Variants in ZDHHC6 observed in about 807,000 individuals in gnomAD.
The protein encoded by ZDHHC6 is zDHHC palmitoyltransferase 6.
ZDHHC6 carries 32 observed loss-of-function variants against 57.8 expected under a neutral mutation model. That is an observed-to-expected ratio of 0.55 (90% CI 0.42 to 0.74). The LOEUF (loss-of-function observed/expected upper bound fraction) is 0.74, where lower values mean the gene tolerates loss of function less well. Ranked by LOEUF, ZDHHC6 falls within the 30% of genes least tolerant of loss-of-function variation. ZDHHC6 has a pLI of 0.00. For synonymous variants in ZDHHC6, 128 were observed against 158.0 expected (o/e 0.81, Z 1.42); for missense variants, 433 against 500.7 (o/e 0.86, Z 1.29).
downstream of ZDHHC6, chr10:112,425,543 C>T (rs1039752369): frequency 4.6e-6 from 6 of 1,310,146 alleles, no homozygotes; most frequent in African/African-American, 1.6e-5. Context: ...CTTGTAGCTA[C>T]AGGAAATTTG....
intron 6 of ZDHHC6, among the ~76,000 whole-genome samples, chr10:112,437,234 G>A (rs1589734186): frequency 6.6e-6 from 1 of 151,882 alleles, no homozygotes; most frequent in Non-Finnish European, 1.5e-5. Flanking sequence ...ATTGATATAC[G>A]TGAATGCAAT....
downstream of ZDHHC6, chr10:112,425,357 T>A: frequency 6.2e-7 from 1 of 1,612,764 alleles, no homozygotes; most frequent in African/African-American, 1.3e-5. Context: ...CTGAAGATCA[T>A]CGACCGTAAA....
downstream of ZDHHC6, among the ~76,000 whole-genome samples, chr10:112,429,817 A>G (rs1844874821): frequency 1.3e-5 from 2 of 152,194 alleles, no homozygotes; most frequent in Admixed American, 1.3e-4. Flanking sequence ...CTGGCAGCCC[A>G]AAGTCCAGAG....
chr10:112,425,585 CT>C, downstream of ZDHHC6: 1 of 750,438 alleles, frequency 1.3e-6, no homozygotes, highest in Non-Finnish European at 1.8e-6. Context: ...AAGATCCAAG[CT>C]TATAAAACTA....
At chr10:112,437,286 A>G (rs188448448) in intron 6 of ZDHHC6, among the ~76,000 whole-genome samples, 212 of 152,348 alleles carry the variant, frequency 1.4e-3, no homozygotes, top group African/African-American at 4.2e-3. Flanking sequence ...CGTTTGCAAA[A>G]TCTACATAAC....
chr10:112,447,283 C>G, upstream of ZDHHC6: 1 of 1,416,732 alleles, frequency 7.1e-7, no homozygotes, highest in East Asian at 2.5e-5. Flanking sequence ...GGGCACCTTC[C>G]GGGGTTCCTA....
chr10:112,424,922 G>A (rs1844611269), exon 12 of ZDHHC6: 2 of 153,390 alleles, frequency 1.3e-5, no homozygotes, highest in African/African-American at 4.8e-5. Context: ...AAACATAACA[G>A]GGAGTCAAGT....
chr10:112,439,580 A>C (rs564103489), intron 5 of ZDHHC6, among the ~76,000 whole-genome samples: 2 of 127,370 alleles, frequency 1.6e-5, no homozygotes, highest in South Asian at 5.4e-4. Flanking sequence ...CAGTGAGCTG[A>C]GTTCACGCCA....
downstream of ZDHHC6, chr10:112,427,293 C>G (rs768238173): frequency 1.2e-6 from 2 of 1,613,734 alleles, no homozygotes; most frequent in Non-Finnish European, 1.7e-6. Flanking sequence ...GAAAGCAAAG[C>G]GAGGAGAGCT....
downstream of ZDHHC6, among the ~76,000 whole-genome samples, chr10:112,429,118 G>T (rs931463105): frequency 3.3e-5 from 5 of 152,100 alleles, no homozygotes; most frequent in African/African-American, 7.2e-5. Flanking sequence ...GTTCTTGGAT[G>T]GTCTTTCTAG....
intron 4 of ZDHHC6, among the ~76,000 whole-genome samples, chr10:112,441,225 G>C (rs1361290501): frequency 1.3e-5 from 2 of 151,920 alleles, no homozygotes; most frequent in Non-Finnish European, 2.9e-5. Context: ...GTTACTTTTT[G>C]TTGTTGTTGT....
Position 112,434,483 on chromosome 10 carries a change from T to C in ZDHHC6, c.736-19A>G, listed in dbSNP as rs1028714731. The C allele has an allele frequency of 6.2e-7, 1 of 1,602,404 alleles. No homozygotes were observed. The highest frequency in any genetic ancestry group is 8.5e-7 in the Non-Finnish European group (1 of 1,173,876). On this transcript the variant is annotated intron_variant, in intron 6 of 10. Transcript: ENST00000369405. ...CTTTAGCCTGTGGGTAACAAAGATA[T>C]AAGATGGCAGGTGCCTCTGTCTAAG...
chr10:112,426,474 G>C (rs997774632), downstream of ZDHHC6: 2 of 818,570 alleles, frequency 2.4e-6, no homozygotes, highest in African/African-American at 3.4e-5. Context: ...AGACTGAATA[G>C]TTTTATGGGA....
chr10:112,427,663 T>C (rs1256063018), downstream of ZDHHC6: 2 of 193,104 alleles, frequency 1.0e-5, no homozygotes, highest in African/African-American at 4.7e-5. Context: ...CCAACCTTAA[T>C]ACTATTAGTA....
downstream of ZDHHC6, chr10:112,426,942 A>G: frequency 8.3e-7 from 1 of 1,207,858 alleles, no homozygotes; most frequent in Non-Finnish European, 1.2e-6. Flanking sequence ...TTAAATGTAT[A>G]ATTTCTAAGG....
chr10:112,445,511 C>CG lies in ZDHHC6; in HGVS notation c.-76_-75insC. The stretch of plus-strand genomic sequence containing the variant: ...TTTTCTGTGCGCACATTTCCATGTG[C>CG]CACAAGTCCATGTGTGTTCTTTAAT... On this transcript the variant is annotated 5_prime_UTR_variant, in exon 2 of 11. It removes the in-frame stop codon of an upstream open reading frame in the 5' UTR. Coordinates refer to ENST00000369405, the MANE Select transcript of ZDHHC6 (RefSeq NM_022494.3). 1 of 1,499,464 alleles carries CG rather than the reference C, an allele frequency of 6.7e-7. No homozygotes were observed. Among genetic ancestry groups the CG allele is most frequent in the Non-Finnish European group, 9.0e-7 (1 of 1,106,308 alleles). The allele number at this position is 1,499,464 out of a possible 1,614,324, so 92.9% of individuals were successfully genotyped here. A position where few individuals can be genotyped will look rare whatever the true frequency, so the allele number is the denominator to read the frequency against.
intron 5 of ZDHHC6, among the ~76,000 whole-genome samples, chr10:112,439,187 C>CACAA (rs77964508): frequency 0.14 from 21,711 of 151,706 alleles, 1,688 homozygotes; most frequent in Middle Eastern, 0.21. Context: ...CAGGCTCTGT[C>CACAA]ACAAACAAAC....
At chr10:112,425,506 C>T (rs1419706370), downstream of ZDHHC6, 1 of 1,560,902 alleles carries the variant, frequency 6.4e-7, no homozygotes, top group East Asian at 2.4e-5. Context: ...TAACAATAGC[C>T]CATTTCAGTC....
rs963678004 is a variant in ZDHHC6, at chr10:112,445,628, A to G, written c.-192T>C. ...CTCTTTATCTTAACTAGGAGAATCC[A>G]GTGTCTTGGTCTGAAACCCAACCTA... On this transcript the variant is annotated 5_prime_UTR_variant, in exon 2 of 11. Coordinates refer to ENST00000369405, the MANE Select transcript of ZDHHC6 (RefSeq NM_022494.3). 16 of 679,186 alleles carry G rather than the reference A, an allele frequency of 2.4e-5. No homozygotes were observed. Among genetic ancestry groups the G allele is most frequent in the Non-Finnish European group, 3.6e-5 (15 of 420,632 alleles). The allele number at this position is 679,186 out of a possible 1,614,324, so 42.1% of individuals were successfully genotyped here.
Sources: gnomAD v4.1 joint callset for allele counts (sites outside exome capture counted in the v4.1 genomes callset) on GRCh38, gnomAD v4.1.1 for gene constraint, MANE v1.5 for transcripts, NCBI Gene and HGNC (gene_info 2026-07-23, HGNC 2026-07-21) for gene names.